PDE2A: variants seen among roughly 807,000 people sequenced by gnomAD.
PDE2A encodes the protein phosphodiesterase 2A, also known as cGMP-dependent 3',5'-cyclic phosphodiesterase.
In PDE2A, 53 loss-of-function variants were observed where a neutral mutation model predicts 133.6. The ratio of observed to expected loss-of-function variants is 0.40; its 90% CI spans 0.32 to 0.50. The LOEUF (loss-of-function observed/expected upper bound fraction) is 0.50, where lower values mean the gene tolerates loss of function less well. PDE2A is among the 20% of genes least tolerant of loss of function. PDE2A has a pLI of 0.73. For missense variants in PDE2A, 796 were observed against 1,232.4 expected, an observed-to-expected ratio of 0.65 and a Z score of 5.30; for synonymous variants, 491 against 490.2, an observed-to-expected ratio of 1.00 and a Z score of -0.02.
chr11:72,668,733 C>T (rs1855308871), intron 1 of PDE2A, among the ~76,000 whole-genome samples: 1 of 152,282 alleles, frequency 6.6e-6, no homozygotes, highest in South Asian at 2.1e-4. Flanking sequence ...CCTTCTTCAC[C>T]AAGCCCTTTC....
intron 21 of PDE2A, 68 bp downstream of exon 21, chr11:72,582,376 C>T (rs900114406): frequency 2.1e-5 from 31 of 1,475,134 alleles, no homozygotes; most frequent in South Asian, 2.0e-4. Flanking sequence ...GTTCTTGATG[C>T]GCATTTAACT....
intron 2 of PDE2A, among the ~76,000 whole-genome samples, chr11:72,627,271 C>T (rs566616433): frequency 2.1e-4 from 32 of 152,322 alleles, no homozygotes; most frequent in African/African-American, 7.2e-4. Flanking sequence ...GTGTTTACAA[C>T]CCCATGGGGA....
intron 1 of PDE2A, among the ~76,000 whole-genome samples, chr11:72,644,806 G>T (rs772852259): frequency 6.6e-6 from 1 of 151,752 alleles, no homozygotes; most frequent in Admixed American, 6.6e-5. Flanking sequence ...CACCAGGCTG[G>T]AGCGCAGTGG....
At chr11:72,583,631 CCA>C in intron 19 of PDE2A, 116 bp from the exon 20 acceptor site, 1 of 725,596 alleles carries the variant, frequency 1.4e-6, no homozygotes, top group Non-Finnish European at 2.5e-6. Flanking sequence ...CATTCTGGCC[CCA>C]GTCAAAACCT....
chr11:72,666,033 T>C (rs1855224630), intron 1 of PDE2A, among the ~76,000 whole-genome samples: 2 of 152,058 alleles, frequency 1.3e-5, no homozygotes. Context: ...CCATGCTCCA[T>C]GGAACAGTCG....
chr11:72,595,968 TC>T, intron 6 of PDE2A, among the ~76,000 whole-genome samples: 1 of 151,882 alleles, frequency 6.6e-6, no homozygotes, highest in Non-Finnish European at 1.5e-5. Context: ...CCACTAACAC[TC>T]CTTCCTCAGC....
At chr11:72,650,178 C>T (rs1041934774) in intron 1 of PDE2A, among the ~76,000 whole-genome samples, 58 of 152,080 alleles carry the variant, frequency 3.8e-4, no homozygotes, top group African/African-American at 1.3e-3. Flanking sequence ...CCTGCCATTA[C>T]GCCCGGCTAA....
intron 2 of PDE2A, among the ~76,000 whole-genome samples, chr11:72,619,348 G>C (rs1008519108): frequency 3.3e-5 from 5 of 152,194 alleles, no homozygotes; most frequent in Admixed American, 6.5e-5. Context: ...GGGGACCTAA[G>C]CATGTGTGCA....
At chr11:72,625,175 G>A (rs1186381473) in intron 2 of PDE2A, among the ~76,000 whole-genome samples, 2 of 152,182 alleles carry the variant, frequency 1.3e-5, no homozygotes, top group Non-Finnish European at 2.9e-5. Flanking sequence ...AGGAACCCTG[G>A]GCCCTCTGCC....
At chr11:72,652,451 C>T (rs918413389) in intron 1 of PDE2A, 36 of 453,324 alleles carry the variant, frequency 7.9e-5, no homozygotes, top group Admixed American at 3.8e-4. Flanking sequence ...CCAGATATGG[C>T]CCCTGGTCCT....
At chr11:72,609,558 G>A (rs1168933855) in intron 2 of PDE2A, among the ~76,000 whole-genome samples, 1 of 152,172 alleles carries the variant, frequency 6.6e-6, no homozygotes, top group African/African-American at 2.4e-5. Flanking sequence ...TCCCATCCCA[G>A]GAACAGAACT....
intron 25 of PDE2A, among the ~76,000 whole-genome samples, 165 bp downstream of exon 25, chr11:72,580,412 C>A (rs1000944395): frequency 6.6e-6 from 1 of 152,164 alleles, no homozygotes; most frequent in African/African-American, 2.4e-5. Flanking sequence ...CTGCACCCTT[C>A]CAAGCCCACT....
At chr11:72,652,734 G>C in intron 1 of PDE2A, 1 of 456,284 alleles carries the variant, frequency 2.2e-6, no homozygotes, top group Non-Finnish European at 4.4e-6. Flanking sequence ...CATGCAGCTA[G>C]AAATGATGGA....
intron 4 of PDE2A, among the ~76,000 whole-genome samples, chr11:72,598,130 T>A (rs1856571688): frequency 1.3e-5 from 2 of 152,186 alleles, no homozygotes; most frequent in Non-Finnish European, 2.9e-5. Flanking sequence ...CCCAAGCAAC[T>A]CACATAGATG....
chr11:72,633,854 G>A (rs568063047), intron 2 of PDE2A, among the ~76,000 whole-genome samples: 10 of 152,276 alleles, frequency 6.6e-5, no homozygotes, highest in Non-Finnish European at 1.2e-4. Context: ...TGTGCTTAGC[G>A]CTGATCATCA....
chr11:72,578,305 AT>A lies in PDE2A; in HGVS notation c.2542del (p.Met848TrpfsTer134). The A allele has an allele frequency of 6.2e-7, 1 of 1,613,966 alleles. No homozygotes were observed. The highest frequency in any genetic ancestry group is 8.5e-7 in the Non-Finnish European group (1 of 1,179,894). ...AGGGATATAGGCCTTCTCCCGGTCCATCATCTCCATCGGCCTGTTGCCCATG... is the reference window on the plus strand; with the variant it reads ...AGGGATATAGGCCTTCTCCCGGTCCACATCTCCATCGGCCTGTTGCCCATG... ...KAMGNRPMEM[M>X]DREKAYIPEL... On this transcript the variant is annotated frameshift_variant, in exon 30 of 31. Coordinates refer to ENST00000334456, the MANE Select transcript of PDE2A (RefSeq NM_002599.5). LOFTEE classifies it high-confidence loss of function. This position sits in a 1 kb window ranked among gnomAD's most constrained non-coding sequence, Gnocchi z 4.2.
At chr11:72,650,926 C>CAT (rs1358987412) in intron 1 of PDE2A, among the ~76,000 whole-genome samples, 2 of 128,854 alleles carry the variant, frequency 1.6e-5, no homozygotes, top group Admixed American at 7.5e-5. Flanking sequence ...CACACACACA[C>CAT]ATACACAAAG....
At position 72,669,083 on chromosome 11, in the gene PDE2A, A is replaced by T. The variant is rs1427230046; in HGVS notation, c.71+5054T>A. 8.0e-6 allele frequency: 4 copies of T among 502,942 alleles called. No homozygotes were observed. The African/African-American group carries it at 8.3e-5, about 10-fold the overall frequency. The allele number at this position is 502,942 out of a possible 1,614,324, so 31.2% of individuals were successfully genotyped here. A position where few individuals can be genotyped will look rare whatever the true frequency, so the allele number is the denominator to read the frequency against. ...ATTCTTCAGAATCATCCTGCCAAGA[A>T]AGGATAATTATCTCCACCCCACTAT... is the stretch of plus-strand genomic sequence containing the variant. On this transcript the variant is annotated intron_variant, in intron 1 of 30. Transcript: ENST00000334456.
chr11:72,584,173 CACA>C, intron 19 of PDE2A, 25 bp downstream of exon 19: 6 of 1,131,188 alleles, frequency 5.3e-6, no homozygotes, highest in African/African-American at 1.5e-5. Context: ...CCTATCACCC[CACA>C]CCCCACTCCC....
Sources: allele counts gnomAD v4.1 joint callset (sites outside exome capture counted in the v4.1 genomes callset), GRCh38; gene constraint gnomAD v4.1.1; non-coding constraint Gnocchi (gnomAD v3.1); transcripts MANE v1.5; gene names NCBI Gene and HGNC (gene_info 2026-07-23, HGNC 2026-07-21).